DDX60L: variants seen among roughly 807,000 people sequenced by gnomAD.
DDX60L encodes the protein DExD/H-box 60 like.
DDX60L carries 191 observed loss-of-function variants against 211.6 expected under a neutral mutation model. That is an observed-to-expected ratio of 0.90 (90% CI 0.80 to 1.02). The LOEUF is 1.02. Ranked by LOEUF, DDX60L falls within the 50% of genes least tolerant of loss-of-function variation. The pLI is 0.00. For missense variants in DDX60L, 2,007 were observed against 1,984.1 expected (o/e 1.01, Z -0.22); for synonymous variants, 706 against 694.1 (o/e 1.02, Z -0.27).
intron 24 of DDX60L, 22 bp downstream of exon 24, chr4:168,405,928 T>C: frequency 6.5e-7 from 1 of 1,546,852 alleles, no homozygotes; most frequent in Non-Finnish European, 8.7e-7. Flanking sequence ...TGAAACTTTG[T>C]CCAAGAAAGT....
chr4:168,446,806 G>A (rs1464330081), intron 9 of DDX60L, among the ~76,000 whole-genome samples: 19 of 125,012 alleles, frequency 1.5e-4, no homozygotes, highest in Non-Finnish European at 3.2e-4. Context: ...AATAAATGGT[G>A]CTGGGAAAAC....
At chr4:168,417,323 GC>G (rs1349283925) in intron 19 of DDX60L, among the ~76,000 whole-genome samples, 1 of 152,004 alleles carries the variant, frequency 6.6e-6, no homozygotes, top group African/African-American at 2.4e-5. Flanking sequence ...CACTTTCCCC[GC>G]CATGCACTCT....
intron 22 of DDX60L, among the ~76,000 whole-genome samples, chr4:168,414,118 A>G (rs1437480143): frequency 6.6e-6 from 1 of 152,190 alleles, no homozygotes; most frequent in Admixed American, 6.6e-5. Context: ...ATCATGGGAT[A>G]GTATATCCAG....
intron 33 of DDX60L, among the ~76,000 whole-genome samples, chr4:168,376,331 G>T (rs557941142): frequency 6.6e-6 from 1 of 152,004 alleles, no homozygotes; most frequent in African/African-American, 2.4e-5. Context: ...TGGTAAAAAG[G>T]AAAGAAAAAC....
intron 22 of DDX60L, among the ~76,000 whole-genome samples, chr4:168,415,199 G>A (rs1297067115): frequency 6.6e-6 from 1 of 151,412 alleles, no homozygotes; most frequent in Non-Finnish European, 1.5e-5. Flanking sequence ...TATCTCATGT[G>A]CCCCATATAT....
rs1758927475 is a variant in DDX60L at position 168,472,496 on chromosome 4, C to T, written c.33G>A (p.Arg11=). The T allele has an allele frequency of 6.3e-7, 1 of 1,576,874 alleles. No individual in the cohort carries two copies. Among genetic ancestry groups the T allele is most frequent in the African/African-American group, 1.3e-5 (1 of 74,124 alleles). Residue 11 remains arginine (R), a synonymous_variant, in exon 3 of 38, where the codon AGG becomes AGA. Coordinates refer to ENST00000682922, the MANE Select transcript of DDX60L (RefSeq NM_001012967.3). The stretch of plus-strand genomic sequence containing the variant: ...CATTCAAAATTAACTGTGTCATTTC[C>T]CTGAAAAATACTGCATGATCCTTTG... MGSKDHAVFF[R]EMTQLILNEM...
chr4:168,392,454 C>T (rs1413611262), intron 28 of DDX60L, among the ~76,000 whole-genome samples: 1 of 152,074 alleles, frequency 6.6e-6, no homozygotes, highest in East Asian at 1.9e-4. Context: ...AAATTCAACC[C>T]ATTATTGGTT....
rs766477439 is a variant in DDX60L, at chr4:168,441,435, A to G, written c.1196T>C (p.Val399Ala). Residue 399 changes from valine (V) to alanine (A), a missense_variant, in exon 10 of 38, where the codon GTT (valine) becomes GCT (alanine). Physicochemically the swap from Val to Ala is moderately conservative, Grantham distance 64 (BLOSUM62 0). Coordinates refer to ENST00000682922, the MANE Select transcript of DDX60L (RefSeq NM_001012967.3). ...AAATTCTTTAACCAGGTGTGACACA[A>G]CATTCCACAGGTCTTCATAATCCCT... ...IRRDYEDLWN[V>A]VSHLVKEFNV... The G allele has an allele frequency of 2.2e-5, 36 of 1,613,084 alleles. 1 individual carries two copies. Among genetic ancestry groups the G allele is most frequent in the Non-Finnish European group, 2.9e-5 (34 of 1,179,562 alleles).
Position 168,402,053 on chromosome 4 carries a change from C to T in DDX60L, c.3339-1075G>A, listed in dbSNP as rs376847494. Among the ~76,000 whole-genome samples the T allele has an allele frequency of 2.9e-4, 44 of 150,338 alleles. 1 individual carries two copies. In the South Asian group the frequency reaches 7.2e-3, roughly 25 times the overall value. The stretch of plus-strand genomic sequence containing the variant: ...GCCAAAGGAAATTTTAAAATGTCTT[C>T]AAGGTCACATAGCCTAGTAACTGGT... On this transcript the variant is annotated intron_variant, in intron 25 of 37. Transcript: ENST00000682922.
At chr4:168,422,435 G>A (rs1279440535) in intron 16 of DDX60L, 89 bp downstream of exon 16, 2 of 1,305,988 alleles carry the variant, frequency 1.5e-6, no homozygotes, top group South Asian at 1.6e-5. Flanking sequence ...AGATTAAGAA[G>A]TTTATGCAAA....
intron 36 of DDX60L, among the ~76,000 whole-genome samples, chr4:168,367,564 G>A (rs1740215678): frequency 6.6e-6 from 1 of 152,178 alleles, no homozygotes; most frequent in South Asian, 2.1e-4. Context: ...CCAGTAGAGT[G>A]GGGTGCTGCT....
intron 4 of DDX60L, among the ~76,000 whole-genome samples, chr4:168,471,093 G>C (rs1245299580): frequency 1.3e-5 from 2 of 152,108 alleles, no homozygotes; most frequent in Non-Finnish European, 2.9e-5. Flanking sequence ...ACACATTTAA[G>C]ATCTGTGCAT....
intron 9 of DDX60L, among the ~76,000 whole-genome samples, chr4:168,442,415 C>A (rs578201460): frequency 6.6e-6 from 1 of 151,928 alleles, no homozygotes; most frequent in Non-Finnish European, 1.5e-5. Flanking sequence ...AAGGCGGCAG[C>A]GAGGCTGGGG....
At chr4:168,393,397 G>A (rs769377331) in intron 28 of DDX60L, among the ~76,000 whole-genome samples, 3 of 152,116 alleles carry the variant, frequency 2.0e-5, no homozygotes, top group Non-Finnish European at 4.4e-5. Context: ...TGAAGAGAAT[G>A]AGGCAGGAGA....
chr4:168,437,512 C>T (rs1392502975), intron 10 of DDX60L, among the ~76,000 whole-genome samples: 1 of 152,170 alleles, frequency 6.6e-6, no homozygotes, highest in Non-Finnish European at 1.5e-5. Flanking sequence ...CCCCTAATGG[C>T]CAAGGTTACC....
intron 10 of DDX60L, among the ~76,000 whole-genome samples, chr4:168,435,573 C>T (rs530335967): frequency 6.6e-6 from 1 of 152,152 alleles, no homozygotes; most frequent in African/African-American, 2.4e-5. Flanking sequence ...AAATAATATA[C>T]CTCCTGGTAC....
chr4:168,420,529 G>T (rs1750365853), intron 17 of DDX60L, 149 bp from the exon 18 acceptor site: 1 of 821,718 alleles, frequency 1.2e-6, no homozygotes, highest in South Asian at 1.8e-5. Flanking sequence ...AAATGAAGTA[G>T]GGAAAAATAC....
At chr4:168,359,106 G>A (rs1383213087) in intron 37 of DDX60L, among the ~76,000 whole-genome samples, 1 of 152,146 alleles carries the variant, frequency 6.6e-6, no homozygotes, top group Non-Finnish European at 1.5e-5. Flanking sequence ...CATGCTATTC[G>A]AGCATTGCAA....
At chr4:168,422,999 G>GTGTGTA (rs551448406) in intron 15 of DDX60L, among the ~76,000 whole-genome samples, 10 of 137,510 alleles carry the variant, frequency 7.3e-5, no homozygotes, top group Admixed American at 1.5e-4. Flanking sequence ...GTGTGTGTGT[G>GTGTGTA]TTGTAGAGAC....
Sources: gnomAD v4.1 joint callset for allele counts (sites outside exome capture counted in the v4.1 genomes callset) on GRCh38, gnomAD v4.1.1 for gene constraint, MANE v1.5 for transcripts, NCBI Gene and HGNC (gene_info 2026-07-23, HGNC 2026-07-21) for gene names.